Variants in CPB2 observed in about 807,000 individuals in gnomAD.
CPB2 encodes carboxypeptidase B-like protein.
CPB2 carries 54 observed loss-of-function variants against 57.0 expected under a neutral mutation model. That is an observed-to-expected ratio of 0.95 (90% confidence interval 0.76 to 1.19). The LOEUF is 1.19. Among genes scored for constraint, CPB2 ranks in the 50% most tolerant of loss-of-function variants. The probability of loss-of-function intolerance (pLI) is 0.00; values close to 1 mark genes in which losing one functional copy is unlikely to be tolerated. For missense variants in CPB2, 426 were observed against 512.0 expected, an observed-to-expected ratio of 0.83 and a Z score of 1.62; for synonymous variants, 189 against 178.1, an observed-to-expected ratio of 1.06 and a Z score of -0.49.
intron 1 of CPB2, among the ~76,000 whole-genome samples, chr13:46,090,006 T>C (rs1457573930): frequency 6.6e-6 from 1 of 152,240 alleles, no homozygotes; most frequent in African/African-American, 2.4e-5. Context: ...CTTGCTAATA[T>C]AATGTGCTCT....
intron 3 of CPB2, 76 bp downstream of exon 3, chr13:46,084,143 C>T (rs1301971107): frequency 6.5e-7 from 1 of 1,528,504 alleles, no homozygotes; most frequent in African/African-American, 1.4e-5. Context: ...TTCCAGGAAG[C>T]AATTATACCA....
At chr13:46,092,620 T>C (rs1035021482) in intron 1 of CPB2, among the ~76,000 whole-genome samples, 1 of 152,206 alleles carries the variant, frequency 6.6e-6, no homozygotes, top group Admixed American at 6.5e-5. Flanking sequence ...TCTGGGTGTG[T>C]AAGAATGTCT....
rs981824936 is a variant in CPB2 at position 46,104,990 on chromosome 13, G to T, written c.20C>A (p.Ala7Glu). 9.3e-6 allele frequency: 15 copies of T among 1,613,864 alleles called. No homozygotes were observed. The Admixed American group carries it at 2.3e-4, about 25-fold the overall frequency. MKLCSL[A>E]VLVPIVLFCE... ...GAAGAGAACAATGGGTACAAGGACT[G>T]CAAGGCTGCAAAGCTTCATCCCAAC... Residue 7 changes from alanine (A) to glutamate (E), a missense_variant, in exon 1 of 11, where the codon GCA (alanine) becomes GAA (glutamate). Coordinates refer to ENST00000181383, the MANE Select transcript of CPB2 (RefSeq NM_001872.5).
In CPB2 at chr13:46,084,209, C is replaced by T. The variant is rs377452707; in HGVS notation, c.275+10G>A. 57 of 1,613,662 alleles carry T rather than the reference C, an allele frequency of 3.5e-5. No individual in the cohort carries two copies. Among genetic ancestry groups the T allele is most frequent in the South Asian group, 2.5e-4 (23 of 91,048 alleles). On this transcript the variant is annotated intron_variant, in intron 3 of 10. Coordinates refer to ENST00000181383, the MANE Select transcript of CPB2 (RefSeq NM_001872.5). ...TAATAACTACTCAATACGTATTGAACGGTGCCTACCTGCATGGAATTCCGC... is the reference window on the plus strand; with the variant it reads ...TAATAACTACTCAATACGTATTGAATGGTGCCTACCTGCATGGAATTCCGC...
intron 6 of CPB2, among the ~76,000 whole-genome samples, chr13:46,071,890 G>A (rs1324030609): frequency 6.6e-6 from 1 of 152,192 alleles, no homozygotes; most frequent in East Asian, 1.9e-4. Flanking sequence ...CTAACTTTGT[G>A]TGCAATTAGA....
At chr13:46,062,332 C>A (rs1437702339) in intron 8 of CPB2, among the ~76,000 whole-genome samples, 1 of 152,180 alleles carries the variant, frequency 6.6e-6, no homozygotes, top group Non-Finnish European at 1.5e-5. Context: ...ATACTTGCTA[C>A]GTGCCCTTGA....
chr13:46,080,565 A>G (rs2045096831), intron 4 of CPB2, among the ~76,000 whole-genome samples: 1 of 152,198 alleles, frequency 6.6e-6, no homozygotes, highest in Admixed American at 6.5e-5. Flanking sequence ...AGAGATGATC[A>G]AGTCAACATG....
In CPB2 at chr13:46,053,553, A is replaced by T; in HGVS notation, c.*61T>A. 6.4e-7 allele frequency: 1 copy of T among 1,569,660 alleles called. No homozygotes were observed. Among genetic ancestry groups the T allele is most frequent in the Non-Finnish European group, 8.6e-7 (1 of 1,156,196 alleles). ...AACTTAAAAATAATTTGATACAATG[A>T]TTTGGTCTTGCTGGAATCAGTAAAT... is the stretch of plus-strand genomic sequence containing the variant. On this transcript the variant is annotated 3_prime_UTR_variant, in exon 11 of 11. Transcript: ENST00000181383.
chr13:46,054,238 T>A (rs1237659452), intron 10 of CPB2, among the ~76,000 whole-genome samples: 5 of 152,256 alleles, frequency 3.3e-5, no homozygotes, highest in African/African-American at 1.2e-4. Context: ...TTTGGCATAT[T>A]TATTGGCTAT....
At chr13:46,102,590 TA>T (rs2045449760) in intron 1 of CPB2, among the ~76,000 whole-genome samples, 1 of 72,548 alleles carries the variant, frequency 1.4e-5, no homozygotes, top group Non-Finnish European at 2.9e-5. Flanking sequence ...GCCAGACTGT[TA>T]GTTTTTTTTT....
intron 1 of CPB2, among the ~76,000 whole-genome samples, chr13:46,103,192 G>C (rs908475346): frequency 6.6e-6 from 1 of 152,174 alleles, no homozygotes; most frequent in Non-Finnish European, 1.5e-5. Context: ...GTTACTCTAC[G>C]ATCAAGATGG....
At chr13:46,087,628 A>T (rs953278159) in intron 2 of CPB2, 117 bp downstream of exon 2, 1 of 695,666 alleles carries the variant, frequency 1.4e-6, no homozygotes, top group Non-Finnish European at 2.5e-6. Context: ...AGAGAAGACT[A>T]TGAGAAGAAG....
chr13:46,100,132 A>G (rs2045416092), intron 1 of CPB2: 1 of 152,202 alleles, frequency 6.6e-6, no homozygotes, highest in Non-Finnish European at 1.5e-5. Flanking sequence ...TTAGTCAACA[A>G]GCAGAGAAAG....
chr13:46,070,285 A>G (rs2044920455), intron 6 of CPB2, among the ~76,000 whole-genome samples: 1 of 152,216 alleles, frequency 6.6e-6, no homozygotes, highest in South Asian at 2.1e-4. Flanking sequence ...TAGATTAGGT[A>G]TATTAAATGC....
chr13:46,102,592 G>GCTTTTT (rs759144981), intron 1 of CPB2, among the ~76,000 whole-genome samples: 7 of 116,304 alleles, frequency 6.0e-5, no homozygotes, highest in African/African-American at 1.3e-4. Flanking sequence ...CAGACTGTTA[G>GCTTTTT]TTTTTTTTTT....
intron 1 of CPB2, among the ~76,000 whole-genome samples, chr13:46,102,336 CT>C (rs1412778420): frequency 6.6e-6 from 1 of 151,994 alleles, no homozygotes; most frequent in African/African-American, 2.4e-5. Flanking sequence ...TATTTTTACC[CT>C]TTATAGTGTT....
chr13:46,070,515 T>C (rs2044924109), intron 6 of CPB2, among the ~76,000 whole-genome samples: 1 of 152,048 alleles, frequency 6.6e-6, no homozygotes, highest in African/African-American at 2.4e-5. Context: ...TTGCCTGGGG[T>C]GCACTCAAGC....
At chr13:46,079,303 C>G (rs1320168457) in intron 4 of CPB2, among the ~76,000 whole-genome samples, 1 of 151,896 alleles carries the variant, frequency 6.6e-6, no homozygotes, top group Non-Finnish European at 1.5e-5. Context: ...GAAGGGAGCC[C>G]TTAGCACTGT....
At chr13:46,058,578 GACCTTCTA>G (rs1458093104) in intron 8 of CPB2, among the ~76,000 whole-genome samples, 197 bp from the exon 9 acceptor site, 1 of 152,128 alleles carries the variant, frequency 6.6e-6, no homozygotes, top group Non-Finnish European at 1.5e-5. Context: ...TCACATAGCT[GACCTTCTA>G]ACAGTCATTC....
Sources: allele counts gnomAD v4.1 joint callset (sites outside exome capture counted in the v4.1 genomes callset), GRCh38; gene constraint gnomAD v4.1.1; transcripts MANE v1.5; gene names NCBI Gene and HGNC (gene_info 2026-07-23, HGNC 2026-07-21).